F8: variants seen among roughly 807,000 people sequenced by gnomAD.
The protein encoded by F8 is coagulation factor VIII, also known as antihemophilic factor.
F8 carries 12 observed loss-of-function variants against 140.6 expected under a neutral mutation model. The observed-to-expected ratio is 0.09, with a 90% CI of 0.05 to 0.14. F8 has a LOEUF of 0.14. Among genes scored for constraint, F8 ranks in the 10% least tolerant of loss-of-function variants. F8 has a pLI of 1.00. For synonymous variants in F8, 585 were observed against 614.6 expected (o/e 0.95, Z 0.71); for missense variants, 1,354 against 1,720.7 (o/e 0.79, Z 3.77).
intron 22 of F8, among the ~76,000 whole-genome samples, chrX:154,872,968 T>TTG (rs2072785979): frequency 9.0e-6 from 1 of 111,061 alleles, no homozygotes; most frequent in Non-Finnish European, 1.9e-5. Context: ...AGGAATAGAC[T>TTG]TAACCAAAGA....
In F8 at chrX:154,958,906, G is replaced by A. The variant is rs782268002; in HGVS notation, c.1538-1735C>T. Among the ~76,000 whole-genome samples, 13 of 111,383 alleles carry A rather than the reference G, an allele frequency of 1.2e-4. No individual in the cohort carries two copies. In the South Asian group the frequency reaches 4.5e-3, roughly 39 times the overall value. On this transcript the variant is annotated intron_variant, in intron 10 of 25. Transcript: ENST00000360256. The stretch of plus-strand genomic sequence containing the variant: ...GCTGGGATTACAGGCGTGAGCCACC[G>A]CACCCAGCGGGAAAATTTTTATAAC...
At chrX:154,932,851 T>C (rs977625791) in intron 13 of F8, among the ~76,000 whole-genome samples, 1 of 110,824 alleles carries the variant, frequency 9.0e-6, no homozygotes, top group Non-Finnish European at 1.9e-5. Flanking sequence ...GGGGGATGCA[T>C]GCCTCTAGGA....
chrX:154,984,656 C>G (rs1557284040), intron 6 of F8, 31 bp downstream of exon 6: 1 of 1,085,675 alleles, frequency 9.2e-7, no homozygotes, highest in Non-Finnish European at 1.3e-6. Context: ...TTTGGAAGAC[C>G]CTGAGGATTG....
intron 21 of F8, chrX:154,897,906 C>T (rs1557275714): frequency 8.9e-6 from 1 of 112,251 alleles, no homozygotes; most frequent in African/African-American, 3.2e-5. Flanking sequence ...TCCACTTCAT[C>T]TTCTTGTGCC....
Position 154,878,428 on chromosome X carries a change from C to CAA in F8, c.6430-15203_6430-15202dup, listed in dbSNP as rs57418004. On this transcript the variant is annotated intron_variant, in intron 22 of 25. Transcript: ENST00000360256. Reference sequence around the variant, plus strand: ...ATAAAGCTGAGCACCTTTTCATGACCAAAAAAAAAAAAAAAAAAAAAAACC... The same window carrying CAA: ...ATAAAGCTGAGCACCTTTTCATGACCAAAAAAAAAAAAAAAAAAAAAAAAACC... Among the ~76,000 whole-genome samples the CAA allele has an allele frequency of 2.0e-3, 54 of 26,700 alleles. 1 individual carries two copies. The highest frequency in any genetic ancestry group is 2.8e-3 in the Non-Finnish European group (41 of 14,700). 23.2% of individuals were successfully genotyped at this position (26,700 alleles called of 115,157 possible). A position where few individuals can be genotyped will look rare whatever the true frequency, so the allele number is the denominator to read the frequency against.
intron 22 of F8, among the ~76,000 whole-genome samples, chrX:154,895,140 G>C (rs375452302): frequency 8.9e-6 from 1 of 112,211 alleles, no homozygotes; most frequent in Non-Finnish European, 1.9e-5. Context: ...GAGAAAGTCA[G>C]AAGAATAAAT....
intron 10 of F8, among the ~76,000 whole-genome samples, chrX:154,958,363 A>G (rs1299852901): frequency 8.9e-6 from 1 of 111,742 alleles, no homozygotes; most frequent in Non-Finnish European, 1.9e-5. Flanking sequence ...CACTTGTTAC[A>G]GAATAAACTC....
At chrX:154,939,955 C>T (rs897421569) in intron 13 of F8, among the ~76,000 whole-genome samples, 1 of 112,431 alleles carries the variant, frequency 8.9e-6, no homozygotes, top group Non-Finnish European at 1.9e-5. Flanking sequence ...GCTGAGGGTC[C>T]TGACTGTTAG....
intron 2 of F8, among the ~76,000 whole-genome samples, chrX:154,997,797 A>T (rs1385558353): frequency 1.8e-5 from 2 of 111,944 alleles, no homozygotes; most frequent in Admixed American, 9.5e-5. Context: ...TAAAATAAGA[A>T]GACTTGGAAC....
At chrX:154,936,074 C>T (rs1290513370) in intron 13 of F8, among the ~76,000 whole-genome samples, 3 of 107,920 alleles carry the variant, frequency 2.8e-5, no homozygotes, top group Admixed American at 1.0e-4. Context: ...TAAAAAGATA[C>T]ATTATGTACA....
chrX:154,964,033 A>G (rs1425229075), intron 9 of F8, among the ~76,000 whole-genome samples: 5 of 110,861 alleles, frequency 4.5e-5, no homozygotes, highest in African/African-American at 1.6e-4. Context: ...TACCTTTTAA[A>G]AATCAAGGTA....
At chrX:154,891,881 A>G (rs2072946443) in intron 22 of F8, among the ~76,000 whole-genome samples, 1 of 111,936 alleles carries the variant, frequency 8.9e-6, no homozygotes, top group Non-Finnish European at 1.9e-5. Flanking sequence ...GTGTCCAAAC[A>G]GGGTCTCTAA....
intron 6 of F8, among the ~76,000 whole-genome samples, chrX:154,980,727 G>C: frequency 9.0e-6 from 1 of 111,579 alleles, no homozygotes; most frequent in Non-Finnish European, 1.9e-5. Context: ...GGAGGCTGAG[G>C]CTGGAGGATT....
At chrX:154,969,782 C>T (rs1468486186) in intron 6 of F8, among the ~76,000 whole-genome samples, 1 of 111,934 alleles carries the variant, frequency 8.9e-6, no homozygotes, top group Non-Finnish European at 1.9e-5. Flanking sequence ...TTTATTTGCA[C>T]CTGTTGACCA....
In F8 at chrX:154,919,938, T is replaced by C. The variant is rs782194833; in HGVS notation, c.5219+8633A>G. On this transcript the variant is annotated intron_variant, in intron 14 of 25. Coordinates refer to ENST00000360256, the MANE Select transcript of F8 (RefSeq NM_000132.4). ...TAGGGTCCTCCCCTTCCTTGTGATC[T>C]GGGTAGCTACTCCTAAACTCATACA... The C allele has an allele frequency of 8.2e-4, 160 of 195,506 alleles. 1 individual carries two copies. Among genetic ancestry groups the C allele is most frequent in the Non-Finnish European group, 1.1e-3 (109 of 96,237 alleles). 16.1% of individuals were successfully genotyped at this position (195,506 alleles called of 1,213,427 possible). A position where few individuals can be genotyped will look rare whatever the true frequency, so the allele number is the denominator to read the frequency against.
intron 4 of F8, among the ~76,000 whole-genome samples, chrX:154,990,673 C>T: frequency 9.0e-6 from 1 of 111,491 alleles, no homozygotes; most frequent in Non-Finnish European, 1.9e-5. Flanking sequence ...GTGCCAAAAC[C>T]ACAGTGTGTT....
At chrX:155,017,209 C>T (rs886696180) in intron 1 of F8, among the ~76,000 whole-genome samples, 1 of 112,654 alleles carries the variant, frequency 8.9e-6, no homozygotes, top group East Asian at 2.8e-4. Flanking sequence ...ACTGAATTTG[C>T]TAACATTCCA....
intron 14 of F8, among the ~76,000 whole-genome samples, chrX:154,922,342 C>T (rs1416905835): frequency 1.8e-5 from 2 of 111,939 alleles, no homozygotes; most frequent in African/African-American, 6.5e-5. Flanking sequence ...AAATGGGAGA[C>T]CTGCTTTTGT....
In F8 at chrX:154,957,868, G is replaced by A. The variant is rs782148429; in HGVS notation, c.1538-697C>T. Among the ~76,000 whole-genome samples, 223 of 100,081 alleles carry A rather than the reference G, an allele frequency of 2.2e-3. 1 individual carries two copies. Among genetic ancestry groups the A allele is most frequent in the African/African-American group, 8.0e-3 (215 of 26,986 alleles). 86.9% of individuals were successfully genotyped at this position (100,081 alleles called of 115,157 possible). ...TGCACTCCAGCCTGGGGGATAGAGC[G>A]AGACTCTGTCTCCAAAAAAAAAAAA... On this transcript the variant is annotated intron_variant, in intron 10 of 25. Coordinates refer to ENST00000360256, the MANE Select transcript of F8 (RefSeq NM_000132.4).
Sources: allele counts gnomAD v4.1 joint callset (sites outside exome capture counted in the v4.1 genomes callset), GRCh38; gene constraint gnomAD v4.1.1; transcripts MANE v1.5; gene names NCBI Gene and HGNC (gene_info 2026-07-23, HGNC 2026-07-21).